The following CCNY variants were observed in gnomAD, a reference collection of about 807,000 sequenced individuals.
The protein encoded by CCNY is cyclin-Y.
CCNY carries 19 observed loss-of-function variants against 42.8 expected under a neutral mutation model. The ratio of observed to expected loss-of-function variants is 0.44; its 90% CI spans 0.31 to 0.65. The LOEUF is 0.65. Among genes scored for constraint, CCNY ranks in the 30% least tolerant of loss-of-function variants. The probability of loss-of-function intolerance (pLI) is 0.07; values close to 1 mark genes in which losing one functional copy is unlikely to be tolerated. For missense variants in CCNY, 370 were observed against 437.3 expected, an observed-to-expected ratio of 0.85 and a Z score of 1.37; for synonymous variants, 165 against 162.7, an observed-to-expected ratio of 1.01 and a Z score of -0.11.
chr10:35,309,839 G>A (rs1456629606), intron 3 of CCNY, among the ~76,000 whole-genome samples: 3 of 151,770 alleles, frequency 2.0e-5, no homozygotes, highest in Non-Finnish European at 2.9e-5. Flanking sequence ...TCGCTCTGTC[G>A]CCCAGGCTGG....
rs1840735843 is a variant in CCNY at position 35,530,168 on chromosome 10, G to T, written c.504G>T (p.Gln168His). The T allele has an allele frequency of 6.2e-7, 1 of 1,614,120 alleles. No individual in the cohort carries two copies. ...PPDYDKHNPE[Q>H]KQIYRFVRTL... is the part of the protein sequence containing the mutation. ...ATTATGACAAACACAACCCAGAGCA[G>T]AAGCAGATTTACCGGTTCGTTCGGA... Residue 168 changes from glutamine to histidine, a missense_variant, in exon 7 of 10, where the codon CAG becomes CAT. Physicochemically the swap from Gln to His is conservative, Grantham distance 24 (BLOSUM62 0). Around this residue, in one of 2 missense-constraint regions of CCNY, gnomAD observed 234 missense variants for 313.1 expected, o/e 0.75. Transcript: ENST00000374704. This position sits in a 1 kb window ranked among gnomAD's most constrained non-coding sequence, Gnocchi z 4.3.
chr10:35,328,050 G>A (rs1326053022), intron 3 of CCNY, among the ~76,000 whole-genome samples: 4 of 152,332 alleles, frequency 2.6e-5, no homozygotes, highest in Middle Eastern at 3.4e-3. Context: ...AGCAGAGAAC[G>A]ATAACACTTT....
At chr10:35,303,032 C>T (rs773674965) in intron 3 of CCNY, among the ~76,000 whole-genome samples, 1 of 151,912 alleles carries the variant, frequency 6.6e-6, no homozygotes, top group Non-Finnish European at 1.5e-5. Context: ...CCTGTCTCTA[C>T]AAAAATAAAA....
intron 4 of CCNY, among the ~76,000 whole-genome samples, chr10:35,523,928 A>G (rs1355507687): frequency 6.6e-6 from 1 of 152,204 alleles, no homozygotes; most frequent in East Asian, 1.9e-4. Flanking sequence ...CTACTGCTGT[A>G]TGCTCCCTCA....
At chr10:35,428,946 C>G (rs1838327218) in intron 1 of CCNY, among the ~76,000 whole-genome samples, 1 of 152,152 alleles carries the variant, frequency 6.6e-6, no homozygotes, top group African/African-American at 2.4e-5. Flanking sequence ...CACAAGTATT[C>G]TTTTTTAACC....
At chr10:35,452,907 A>G (rs888886777) in intron 1 of CCNY, among the ~76,000 whole-genome samples, 1 of 152,200 alleles carries the variant, frequency 6.6e-6, no homozygotes, top group Non-Finnish European at 1.5e-5. Context: ...CACCAAAACA[A>G]TAAAACCCAT....
chr10:35,486,208 A>G (rs1344635378), intron 2 of CCNY, among the ~76,000 whole-genome samples: 1 of 152,238 alleles, frequency 6.6e-6, no homozygotes, highest in Non-Finnish European at 1.5e-5. Context: ...ACAGGTGGGC[A>G]GCGGTGCTGG....
chr10:35,407,014 C>CG (rs1564399289), intron 1 of CCNY, among the ~76,000 whole-genome samples: 1 of 152,214 alleles, frequency 6.6e-6, no homozygotes, highest in African/African-American at 2.4e-5. Flanking sequence ...GGTAAAGCGT[C>CG]TAAGGGTTGT....
At chr10:35,541,390 C>G (rs1022989779) in intron 7 of CCNY, among the ~76,000 whole-genome samples, 1 of 151,974 alleles carries the variant, frequency 6.6e-6, no homozygotes, top group Non-Finnish European at 1.5e-5. Context: ...TGAACTGATA[C>G]TGGTTATTAT....
intron 1 of CCNY, among the ~76,000 whole-genome samples, chr10:35,437,053 G>A (rs988163068): frequency 9.2e-5 from 14 of 152,162 alleles, no homozygotes; most frequent in African/African-American, 2.2e-4. Context: ...AATGTCAAAC[G>A]CTTATAAAAC....
intron 1 of CCNY, among the ~76,000 whole-genome samples, chr10:35,448,942 C>T (rs990267305): frequency 6.6e-6 from 1 of 151,890 alleles, no homozygotes; most frequent in African/African-American, 2.4e-5. Context: ...GGGGCAAGGT[C>T]AGGGGATTTG....
At chr10:35,409,964 A>C (rs1837867999) in intron 1 of CCNY, among the ~76,000 whole-genome samples, 1 of 152,102 alleles carries the variant, frequency 6.6e-6, no homozygotes. Context: ...GCTGATCTTG[A>C]ACTTCTGGGC....
At chr10:35,368,008 T>G (rs1447488800) in intron 1 of CCNY, among the ~76,000 whole-genome samples, 1 of 152,220 alleles carries the variant, frequency 6.6e-6, no homozygotes, top group East Asian at 1.9e-4. Flanking sequence ...GAGTTAAAAT[T>G]CTCTGAAGAA....
At chr10:35,329,713 C>T (rs942130848) in intron 3 of CCNY, among the ~76,000 whole-genome samples, 2 of 152,036 alleles carry the variant, frequency 1.3e-5, no homozygotes, top group African/African-American at 4.8e-5. Flanking sequence ...GACGAGGTCA[C>T]AGGAGTAAAG....
intron 1 of CCNY, among the ~76,000 whole-genome samples, chr10:35,377,036 A>G (rs1016280825): frequency 4.6e-5 from 7 of 152,254 alleles, no homozygotes; most frequent in Non-Finnish European, 8.8e-5. Context: ...TAGGCACCAC[A>G]TAATGATGTT....
intron 3 of CCNY, among the ~76,000 whole-genome samples, chr10:35,298,765 C>T (rs1835500309): frequency 1.3e-5 from 2 of 152,174 alleles, no homozygotes; most frequent in Non-Finnish European, 2.9e-5. Flanking sequence ...TCATGTGGTG[C>T]TGCACTTCAG....
At chr10:35,250,482 G>A (rs550769382) in intron 2 of CCNY, 1 of 152,334 alleles carries the variant, frequency 6.6e-6, no homozygotes, top group South Asian at 2.1e-4. Flanking sequence ...AATCTTCTGA[G>A]ATGTTTACTA....
At chr10:35,446,269 T>TA (rs1241981043) in intron 1 of CCNY, among the ~76,000 whole-genome samples, 6 of 152,224 alleles carry the variant, frequency 3.9e-5, no homozygotes, top group Non-Finnish European at 7.3e-5. Context: ...CAATACTTTA[T>TA]CATCTGAGAA....
intron 4 of CCNY, among the ~76,000 whole-genome samples, chr10:35,519,646 G>A (rs1476848027): frequency 6.6e-6 from 1 of 151,956 alleles, no homozygotes; most frequent in African/African-American, 2.4e-5. Flanking sequence ...GTAGGAACAA[G>A]CTATGAGACT....
Sources: allele counts gnomAD v4.1 joint callset (sites outside exome capture counted in the v4.1 genomes callset), GRCh38; gene constraint gnomAD v4.1.1; regional missense constraint gnomAD v4.1.1; non-coding constraint Gnocchi (gnomAD v3.1); transcripts MANE v1.5; gene names NCBI Gene and HGNC (gene_info 2026-07-23, HGNC 2026-07-21).